The following SFT2D3 variants were observed in gnomAD, a reference collection of about 807,000 sequenced individuals.
SFT2D3 encodes vesicle transport protein SFT2C.
For synonymous variants in SFT2D3, 239 were observed against 191.2 expected (o/e 1.25, Z -2.06); for missense variants, 405 against 334.6 (o/e 1.21, Z -1.64).
At position 127,702,874 on chromosome 2, in the gene SFT2D3, A is replaced by C. The variant is rs570566267; in HGVS notation, c.*698A>C. 2.1e-4 allele frequency: 35 copies of C among 167,008 alleles called. No homozygotes were observed. The highest frequency in any genetic ancestry group is 7.5e-4 in the African/African-American group (31 of 41,590). 10.3% of individuals were successfully genotyped at this position (167,008 alleles called of 1,614,324 possible). ...CCAGGAAGGGGCGCGTAGATGCTTA[A>C]CGGTCTCTTCGGAAATCCTGCAAAT... is the stretch of plus-strand genomic sequence containing the variant. On this transcript the variant is annotated 3_prime_UTR_variant, in exon 1 of 1. Transcript: ENST00000310981.
rs2105365706 is a variant in SFT2D3, at chr2:127,703,590, GCCTTGTTCCCCATCAGTAAACAAGGTTA to G, written c.*1418_*1445del. 1 of 167,180 alleles carries G rather than the reference GCCTTGTTCCCCATCAGTAAACAAGGTTA, an allele frequency of 6.0e-6. No individual in the cohort carries two copies. Among genetic ancestry groups the G allele is most frequent in the East Asian group, 1.9e-4 (1 of 5,192 alleles). The allele number at this position is 167,180 out of a possible 1,614,324, so 10.4% of individuals were successfully genotyped here. A position where few individuals can be genotyped will look rare whatever the true frequency, so the allele number is the denominator to read the frequency against. Reference sequence around the variant, plus strand: ...GCCCTGAGATTTGGTAAAGAACACTGCCTTGTTCCCCATCAGTAAACAAGGTTACCTACCTCAGGAGGCTGCTTGTGAG... The same window carrying G: ...GCCCTGAGATTTGGTAAAGAACACTGCCTACCTCAGGAGGCTGCTTGTGAG... On this transcript the variant is annotated 3_prime_UTR_variant, in exon 1 of 1. Transcript: ENST00000310981.
Position 127,702,228 on chromosome 2 carries a change from G to A in SFT2D3, c.*52G>A. 2 of 1,195,136 alleles carry A rather than the reference G, an allele frequency of 1.7e-6. No individual in the cohort carries two copies. The highest frequency in any genetic ancestry group is 2.1e-6 in the Non-Finnish European group (2 of 958,008). 74.0% of individuals were successfully genotyped at this position (1,195,136 alleles called of 1,614,324 possible). A position where few individuals can be genotyped will look rare whatever the true frequency, so the allele number is the denominator to read the frequency against. ...AGTACGCGGAGCCAGCGCCGTCGGA[G>A]ACCGCGCCGGCCGAGCTGAGGACTG... On this transcript the variant is annotated 3_prime_UTR_variant, in exon 1 of 1. Transcript: ENST00000310981.
In SFT2D3 at chr2:127,704,998, G is replaced by A. The variant is rs1226839474; in HGVS notation, c.*2822G>A. The A allele has an allele frequency of 6.2e-6, 1 of 160,490 alleles. No homozygotes were observed. Among genetic ancestry groups the A allele is most frequent in the Non-Finnish European group, 1.5e-5 (1 of 68,112 alleles). The allele number at this position is 160,490 out of a possible 1,614,324, so 9.9% of individuals were successfully genotyped here. On this transcript the variant is annotated 3_prime_UTR_variant, in exon 1 of 1. Coordinates refer to ENST00000310981, the MANE Select transcript of SFT2D3 (RefSeq NM_032740.4). ...TAGTCCTAGCTACTAGGGAGGCTGAGGCAGGGTCAAAGCTGAAGTGAGCCG... is the reference window on the plus strand; with the variant it reads ...TAGTCCTAGCTACTAGGGAGGCTGAAGCAGGGTCAAAGCTGAAGTGAGCCG...
At position 127,703,434 on chromosome 2, in the gene SFT2D3, G is replaced by A. The variant is rs1029364864; in HGVS notation, c.*1258G>A. ...GTGTTGCCTTAACAGGGTGTCTGTC[G>A]TGCCGCAGTAGAGCACTGCTGCTTC... is the stretch of plus-strand genomic sequence containing the variant. On this transcript the variant is annotated 3_prime_UTR_variant, in exon 1 of 1. Transcript: ENST00000310981. 6.0e-6 allele frequency: 1 copy of A among 167,026 alleles called. No individual in the cohort carries two copies. The highest frequency in any genetic ancestry group is 1.5e-5 in the Non-Finnish European group (1 of 68,116). 10.3% of individuals were successfully genotyped at this position (167,026 alleles called of 1,614,324 possible). A position where few individuals can be genotyped will look rare whatever the true frequency, so the allele number is the denominator to read the frequency against.
rs1685943805 is a variant in SFT2D3, at chr2:127,703,583, G to C, written c.*1407G>C. 4 of 167,066 alleles carry C rather than the reference G, an allele frequency of 2.4e-5. No individual in the cohort carries two copies. The highest frequency in any genetic ancestry group is 9.7e-5 in the African/African-American group (4 of 41,442). The allele number at this position is 167,066 out of a possible 1,614,324, so 10.3% of individuals were successfully genotyped here. On this transcript the variant is annotated 3_prime_UTR_variant, in exon 1 of 1. Transcript: ENST00000310981. ...GCTACCCGCCCTGAGATTTGGTAAA[G>C]AACACTGCCTTGTTCCCCATCAGTA...
In SFT2D3 at chr2:127,702,104, C is replaced by T. The variant is rs1468865012; in HGVS notation, c.576C>T (p.Gly192=). 6 of 1,216,138 alleles carry T rather than the reference C, an allele frequency of 4.9e-6. No homozygotes were observed. Among genetic ancestry groups the T allele is most frequent in the African/African-American group, 1.6e-5 (1 of 63,218 alleles). 75.3% of individuals were successfully genotyped at this position (1,216,138 alleles called of 1,614,324 possible). ...AALVGLLPWG[G]GTALRLALGR... Reference sequence around the variant, plus strand: ...TGGTTGGGCTGCTGCCCTGGGGCGGCGGCACCGCGCTGCGCCTCGCACTGG... The same window carrying T: ...TGGTTGGGCTGCTGCCCTGGGGCGGTGGCACCGCGCTGCGCCTCGCACTGG... Residue 192 remains glycine, a synonymous_variant, in exon 1 of 1, where the codon GGC becomes GGT. Coordinates refer to ENST00000310981, the MANE Select transcript of SFT2D3 (RefSeq NM_032740.4).
At position 127,701,586 on chromosome 2, in the gene SFT2D3, C is replaced by T. The variant is rs764569227; in HGVS notation, c.58C>T (p.Pro20Ser). The T allele has an allele frequency of 1.1e-5, 15 of 1,359,374 alleles. No homozygotes were observed. Among genetic ancestry groups the T allele is most frequent in the East Asian group, 3.0e-5 (1 of 32,972 alleles). 84.2% of individuals were successfully genotyped at this position (1,359,374 alleles called of 1,614,324 possible). Reference sequence around the variant, plus strand: ...CCTGGCGCAGGGGAAAGCTGGCGGCCCGGCGGCCGCGGAGCCGCTGCTCGC... The same window carrying T: ...CCTGGCGCAGGGGAAAGCTGGCGGCTCGGCGGCCGCGGAGCCGCTGCTCGC... ...EYLAQGKAGG[P>S]AAAEPLLAAE... The change falls in exon 1 of 1, where the codon CCG (proline) becomes TCG (serine). Residue 20 changes from proline to serine, a missense_variant. Physicochemically the swap from Pro to Ser is moderately conservative, Grantham distance 74 (BLOSUM62 -1). Transcript: ENST00000310981.
At position 127,701,943 on chromosome 2, in the gene SFT2D3, G is replaced by A. The variant is rs546376182; in HGVS notation, c.415G>A (p.Glu139Lys). ...GGCGTGCGGACGCCTGCTGCGCTGC[G>A]AAGAAGCGCCGTCCCGGCCCGCGCT... is the stretch of plus-strand genomic sequence containing the variant. ...GAACGRLLRCEEAPSRPALLY... is the reference protein window; with the variant it reads ...GAACGRLLRCKEAPSRPALLY... Residue 139 changes from glutamate to lysine, a missense_variant, in exon 1 of 1, where the codon GAA becomes AAA. By Grantham distance (56) the Glu-to-Lys change is moderately conservative. Coordinates refer to ENST00000310981, the MANE Select transcript of SFT2D3 (RefSeq NM_032740.4). The A allele has an allele frequency of 1.1e-4, 151 of 1,416,598 alleles. 1 individual carries two copies. The highest frequency in any genetic ancestry group is 1.2e-4 in the Non-Finnish European group (134 of 1,092,456). 87.8% of individuals were successfully genotyped at this position (1,416,598 alleles called of 1,614,324 possible).
rs1685984406 is a variant in SFT2D3, at chr2:127,705,240, G to A, written c.*3064G>A. ...ACCAAAATAAAGGTCAGTATAGAAAGTATCATGGGGTATATAACAAACTGA... is the reference window on the plus strand; with the variant it reads ...ACCAAAATAAAGGTCAGTATAGAAAATATCATGGGGTATATAACAAACTGA... On this transcript the variant is annotated 3_prime_UTR_variant, in exon 1 of 1. Transcript: ENST00000310981. The surrounding 1 kb of genome is among the most constrained non-coding windows in gnomAD (Gnocchi z 4.5). 1 of 166,976 alleles carries A rather than the reference G, an allele frequency of 6.0e-6. No homozygotes were observed. The highest frequency in any genetic ancestry group is 6.5e-5 in the Admixed American group (1 of 15,278). 10.3% of individuals were successfully genotyped at this position (166,976 alleles called of 1,614,324 possible).
Position 127,701,857 on chromosome 2 carries a change from T to G in SFT2D3, c.329T>G (p.Leu110Arg). The G allele has an allele frequency of 6.8e-7, 1 of 1,459,860 alleles. No homozygotes were observed. The highest frequency in any genetic ancestry group is 9.0e-7 in the Non-Finnish European group (1 of 1,111,144). The allele number at this position is 1,459,860 out of a possible 1,614,324, so 90.4% of individuals were successfully genotyped here. The change falls in exon 1 of 1, where the codon CTG becomes CGG. Residue 110 changes from leucine to arginine, a missense_variant. Physicochemically the swap from Leu to Arg is moderately radical, Grantham distance 102. Coordinates refer to ENST00000310981, the MANE Select transcript of SFT2D3 (RefSeq NM_032740.4). ...VLLLRARKFA[L>R]LWSLGSALAL... ...CTGCTGCGCGCGCGCAAGTTCGCGCTGCTCTGGTCACTGGGCTCGGCGCTG... is the reference window on the plus strand; with the variant it reads ...CTGCTGCGCGCGCGCAAGTTCGCGCGGCTCTGGTCACTGGGCTCGGCGCTG...
At position 127,701,523 on chromosome 2, in the gene SFT2D3, T is replaced by C; in HGVS notation, c.-6T>C. The C allele has an allele frequency of 5.3e-6, 7 of 1,316,664 alleles. No individual in the cohort carries two copies. The highest frequency in any genetic ancestry group is 6.8e-6 in the Non-Finnish European group (7 of 1,031,040). The allele number at this position is 1,316,664 out of a possible 1,614,324, so 81.6% of individuals were successfully genotyped here. A position where few individuals can be genotyped will look rare whatever the true frequency, so the allele number is the denominator to read the frequency against. The stretch of plus-strand genomic sequence containing the variant: ...GCTTTTCCTTTCTGCCACCGCCTTG[T>C]CCAAGATGGCGGACCTCCACCGCCA... On this transcript the variant is annotated 5_prime_UTR_variant, in exon 1 of 1. Coordinates refer to ENST00000310981, the MANE Select transcript of SFT2D3 (RefSeq NM_032740.4).
chr2:127,703,630 A>G lies in SFT2D3; in HGVS notation c.*1454A>G, dbSNP rs896894840. 1.2e-5 allele frequency: 2 copies of G among 167,078 alleles called. No individual in the cohort carries two copies. The highest frequency in any genetic ancestry group is 2.9e-5 in the Non-Finnish European group (2 of 68,110). 10.3% of individuals were successfully genotyped at this position (167,078 alleles called of 1,614,324 possible). A position where few individuals can be genotyped will look rare whatever the true frequency, so the allele number is the denominator to read the frequency against. On this transcript the variant is annotated 3_prime_UTR_variant, in exon 1 of 1. Transcript: ENST00000310981. Reference sequence around the variant, plus strand: ...AGTAAACAAGGTTACCTACCTCAGGAGGCTGCTTGTGAGAGAGCAAATGCA... The same window carrying G: ...AGTAAACAAGGTTACCTACCTCAGGGGGCTGCTTGTGAGAGAGCAAATGCA...
In SFT2D3 at chr2:127,702,095, C is replaced by T; in HGVS notation, c.567C>T (p.Pro189=). 4.1e-6 allele frequency: 5 copies of T among 1,217,004 alleles called. No individual in the cohort carries two copies. Among genetic ancestry groups the T allele is most frequent in the Non-Finnish European group, 5.1e-6 (5 of 981,048 alleles). The allele number at this position is 1,217,004 out of a possible 1,614,324, so 75.4% of individuals were successfully genotyped here. Residue 189 remains proline, a synonymous_variant, in exon 1 of 1, where the codon CCC becomes CCT. Transcript: ENST00000310981. ...TGGCCGCGCTGGTTGGGCTGCTGCC[C>T]TGGGGCGGCGGCACCGCGCTGCGCC... The part of the protein sequence containing the change: ...ALLAALVGLL[P]WGGGTALRLA...
chr2:127,701,825 G>T lies in SFT2D3; in HGVS notation c.297G>T (p.Pro99=). The T allele has an allele frequency of 2.7e-6, 4 of 1,457,676 alleles. No individual in the cohort carries two copies. Among genetic ancestry groups the T allele is most frequent in the Non-Finnish European group, 3.6e-6 (4 of 1,109,146 alleles). 90.3% of individuals were successfully genotyped at this position (1,457,676 alleles called of 1,614,324 possible). The part of the protein sequence containing the change: ...LCFGLAALYA[P]VLLLRARKFA... ...TCGGCCTAGCCGCGCTCTACGCACCGGTGTTGCTGCTGCGCGCGCGCAAGT... is the reference window on the plus strand; with the variant it reads ...TCGGCCTAGCCGCGCTCTACGCACCTGTGTTGCTGCTGCGCGCGCGCAAGT... Residue 99 remains proline, a synonymous_variant, in exon 1 of 1, where the codon CCG becomes CCT. Coordinates refer to ENST00000310981, the MANE Select transcript of SFT2D3 (RefSeq NM_032740.4).
At position 127,703,229 on chromosome 2, in the gene SFT2D3, TCA is replaced by T. The variant is rs1685935983; in HGVS notation, c.*1054_*1055del. 6.0e-6 allele frequency: 1 copy of T among 167,020 alleles called. No homozygotes were observed. The highest frequency in any genetic ancestry group is 2.1e-4 in the South Asian group (1 of 4,828). The allele number at this position is 167,020 out of a possible 1,614,324, so 10.3% of individuals were successfully genotyped here. ...AGTGGTCCTCGCGCTTGACTGCACA[TCA>T]GTTACTTGAAGAGCCACACCTCAGA... is the stretch of plus-strand genomic sequence containing the variant. On this transcript the variant is annotated 3_prime_UTR_variant, in exon 1 of 1. Coordinates refer to ENST00000310981, the MANE Select transcript of SFT2D3 (RefSeq NM_032740.4).
chr2:127,701,989 GCGCCACGCTGTT>G lies in SFT2D3; in HGVS notation c.466_477del (p.Thr156_Ala159del), dbSNP rs1312442829. 13 of 1,341,470 alleles carry G rather than the reference GCGCCACGCTGTT, an allele frequency of 9.7e-6. No homozygotes were observed. The highest frequency in any genetic ancestry group is 1.2e-5 in the Non-Finnish European group (13 of 1,049,688). 83.1% of individuals were successfully genotyped at this position (1,341,470 alleles called of 1,614,324 possible). A position where few individuals can be genotyped will look rare whatever the true frequency, so the allele number is the denominator to read the frequency against. Reference sequence around the variant, plus strand: ...GCGCTGCTCTACATGGCAGCGCTGGGCGCCACGCTGTTCGCCGCGCTGGGCCTTCGCAGCACG... The same window carrying G: ...GCGCTGCTCTACATGGCAGCGCTGGGCGCCGCGCTGGGCCTTCGCAGCACG... On this transcript the variant is annotated inframe_deletion, in exon 1 of 1. Coordinates refer to ENST00000310981, the MANE Select transcript of SFT2D3 (RefSeq NM_032740.4).
At position 127,701,861 on chromosome 2, in the gene SFT2D3, C is replaced by A. The variant is rs758440435; in HGVS notation, c.333C>A (p.Leu111=). The A allele has an allele frequency of 1.4e-6, 2 of 1,460,554 alleles. No individual in the cohort carries two copies. Among genetic ancestry groups the A allele is most frequent in the East Asian group, 3.1e-5 (1 of 32,490 alleles). 90.5% of individuals were successfully genotyped at this position (1,460,554 alleles called of 1,614,324 possible). The stretch of plus-strand genomic sequence containing the variant: ...TGCGCGCGCGCAAGTTCGCGCTGCT[C>A]TGGTCACTGGGCTCGGCGCTGGCGT... ...LLLRARKFAL[L]WSLGSALALA... The change falls in exon 1 of 1, where the codon CTC becomes CTA. Residue 111 remains leucine, a synonymous_variant. Coordinates refer to ENST00000310981, the MANE Select transcript of SFT2D3 (RefSeq NM_032740.4).
Position 127,701,720 on chromosome 2 carries a change from C to T in SFT2D3, c.192C>T (p.Gly64=), listed in dbSNP as rs1685886676. ...GCCCTGCGGAGTCGGCAGCGGCCGG[C>T]CTGACGTGCCTCCCGAGCGTGACGC... The part of the protein sequence containing the change: ...ARSPAESAAA[G]LTCLPSVTRG... Residue 64 remains glycine (G), a synonymous_variant, in exon 1 of 1, where the codon GGC becomes GGT. Coordinates refer to ENST00000310981, the MANE Select transcript of SFT2D3 (RefSeq NM_032740.4). 7.3e-7 allele frequency: 1 copy of T among 1,369,130 alleles called. No individual in the cohort carries two copies. Among genetic ancestry groups the T allele is most frequent in the Non-Finnish European group, 9.4e-7 (1 of 1,062,838 alleles). 84.8% of individuals were successfully genotyped at this position (1,369,130 alleles called of 1,614,324 possible). A position where few individuals can be genotyped will look rare whatever the true frequency, so the allele number is the denominator to read the frequency against.
In SFT2D3 at chr2:127,702,047, G is replaced by C. The variant is rs1428171622; in HGVS notation, c.519G>C (p.Ala173=). 12 of 1,230,048 alleles carry C rather than the reference G, an allele frequency of 9.8e-6. No individual in the cohort carries two copies. The African/African-American group carries it at 1.3e-4, about 13-fold the overall frequency. 76.2% of individuals were successfully genotyped at this position (1,230,048 alleles called of 1,614,324 possible). A position where few individuals can be genotyped will look rare whatever the true frequency, so the allele number is the denominator to read the frequency against. Residue 173 remains alanine, a synonymous_variant, in exon 1 of 1, where the codon GCG becomes GCC. Coordinates refer to ENST00000310981, the MANE Select transcript of SFT2D3 (RefSeq NM_032740.4). ...GCACGCTGCTCACGGTGCTGGGCGC[G>C]GGCGCGCAGGTGGCCGCGCTGCTGG... ...LRSTLLTVLG[A]GAQVAALLAA... is the part of the protein sequence containing the mutation.
Sources: allele counts gnomAD v4.1 joint callset, GRCh38; gene constraint gnomAD v4.1.1; non-coding constraint Gnocchi (gnomAD v3.1); transcripts MANE v1.5; gene names NCBI Gene and HGNC (gene_info 2026-07-23, HGNC 2026-07-21).